USP46: variants seen among roughly 807,000 people sequenced by gnomAD.
USP46 encodes the protein ubiquitin specific peptidase 46.
USP46 carries 12 observed loss-of-function variants against 44.4 expected under a neutral mutation model. The observed-to-expected ratio is 0.27, with a 90% CI of 0.17 to 0.44. The LOEUF is 0.44. USP46 is among the 20% of genes least tolerant of loss of function. USP46 has a pLI of 1.00. For synonymous variants in USP46, 155 were observed against 161.5 expected (o/e 0.96, Z 0.31); for missense variants, 248 against 444.8 (o/e 0.56, Z 3.98).
chr4:52,616,841 A>G (rs955452906), intron 4 of USP46, among the ~76,000 whole-genome samples: 2 of 152,242 alleles, frequency 1.3e-5, no homozygotes, highest in Non-Finnish European at 2.9e-5. Context: ...AATCCCAAAT[A>G]TTTGGAAATT....
intron 1 of USP46, 145 bp downstream of exon 1, chr4:52,658,970 G>T (rs1719065505): frequency 1.0e-6 from 1 of 969,078 alleles, no homozygotes; most frequent in Non-Finnish European, 1.4e-6. Context: ...GCGGCCGCGC[G>T]CCCAGCTCGG....
At chr4:52,633,014 GAAAGAAAGAAAGAAAA>G (rs1717975652) in intron 1 of USP46, among the ~76,000 whole-genome samples, 4 of 138,208 alleles carry the variant, frequency 2.9e-5, no homozygotes, top group African/African-American at 1.1e-4. Flanking sequence ...AAGAAAGAAA[GAAAGAAAGAAAGAAAA>G]AGAAAGGTAA....
intron 2 of USP46, among the ~76,000 whole-genome samples, chr4:52,630,077 T>C (rs1717759292): frequency 6.6e-6 from 1 of 152,208 alleles, no homozygotes; most frequent in African/African-American, 2.4e-5. Flanking sequence ...TTTGAGTTAA[T>C]ATTTGATGTC....
chr4:52,630,075 A>T (rs1249538545), intron 2 of USP46, among the ~76,000 whole-genome samples: 1 of 152,212 alleles, frequency 6.6e-6, no homozygotes, highest in African/African-American at 2.4e-5. Context: ...TTTTTGAGTT[A>T]ATATTTGATG....
chr4:52,590,965 CTTCAAAGAGTTTTCAAACAATTTAT>C lies in USP46; in HGVS notation c.*6650_*6674del, dbSNP rs537053313. ...AGAACAATATACTGAAGCCATTTCT[CTTCAAAGAGTTTTCAAACAATTTAT>C]TTCACAGGAGAGGTGGAGAAGGCCA... On this transcript the variant is annotated 3_prime_UTR_variant, in exon 9 of 9. Coordinates refer to ENST00000441222, the MANE Select transcript of USP46 (RefSeq NM_022832.4). The C allele has an allele frequency of 6.6e-6, 1 of 152,308 alleles. No individual in the cohort carries two copies. The highest frequency in any genetic ancestry group is 1.9e-4 in the East Asian group (1 of 5,188). The allele number at this position is 152,308 out of a possible 1,614,324, so 9.4% of individuals were successfully genotyped here. A position where few individuals can be genotyped will look rare whatever the true frequency, so the allele number is the denominator to read the frequency against.
chr4:52,632,942 AAG>A (rs1337403228), intron 1 of USP46, among the ~76,000 whole-genome samples: 2 of 71,652 alleles, frequency 2.8e-5, no homozygotes, highest in Non-Finnish European at 5.2e-5. Context: ...GAAAGAAAGA[AAG>A]AAAGAAAGAA....
intron 1 of USP46, among the ~76,000 whole-genome samples, chr4:52,658,678 G>A (rs2109381088): frequency 6.6e-6 from 1 of 152,250 alleles, no homozygotes; most frequent in Non-Finnish European, 1.5e-5. Flanking sequence ...TAAACACCTC[G>A]GAAGGACTGA....
chr4:52,647,131 T>A (rs1474711537), intron 1 of USP46, among the ~76,000 whole-genome samples: 1 of 152,128 alleles, frequency 6.6e-6, no homozygotes, highest in Non-Finnish European at 1.5e-5. Context: ...CTCAAGCAAG[T>A]GAATACTCTG....
intron 8 of USP46, among the ~76,000 whole-genome samples, 169 bp from the exon 9 acceptor site, chr4:52,597,910 A>G (rs947798978): frequency 3.9e-5 from 6 of 152,246 alleles, no homozygotes; most frequent in Non-Finnish European, 8.8e-5. Flanking sequence ...TGGCTAAAGG[A>G]CATCATCACA....
At chr4:52,606,689 G>T (rs997412729) in intron 5 of USP46, among the ~76,000 whole-genome samples, 3 of 152,132 alleles carry the variant, frequency 2.0e-5, no homozygotes, top group Non-Finnish European at 4.4e-5. Flanking sequence ...CACATAGCCT[G>T]GACTATGCTA....
At chr4:52,643,555 G>A (rs979197978) in intron 1 of USP46, among the ~76,000 whole-genome samples, 3 of 152,154 alleles carry the variant, frequency 2.0e-5, no homozygotes, top group African/African-American at 4.8e-5. Context: ...ACCAACCCCT[G>A]TACTATGCCA....
chr4:52,647,563 T>C (rs1038271586), intron 1 of USP46, among the ~76,000 whole-genome samples: 2 of 152,204 alleles, frequency 1.3e-5, no homozygotes. Context: ...AAAGACAACA[T>C]ATCTTTTACT....
In USP46 at chr4:52,626,054, C is replaced by T. The variant is rs760329433; in HGVS notation, c.525G>A (p.Thr175=). ...LTWVHEIFQG[T]LTNETRCLNC... ...TCAAGCATCGAGTTTCATTGGTAAG[C>T]GTTCCCTGAAAAATCTCATGGACCC... is the stretch of plus-strand genomic sequence containing the variant. The change falls in exon 4 of 9, where the codon ACG becomes ACA. Residue 175 remains threonine, a synonymous_variant. Coordinates refer to ENST00000441222, the MANE Select transcript of USP46 (RefSeq NM_022832.4). 1.4e-5 allele frequency: 23 copies of T among 1,613,900 alleles called. No homozygotes were observed. The highest frequency in any genetic ancestry group is 4.4e-5 in the South Asian group (4 of 91,076).
intron 1 of USP46, among the ~76,000 whole-genome samples, chr4:52,657,539 C>T (rs953600309): frequency 1.3e-5 from 2 of 152,160 alleles, no homozygotes; most frequent in Non-Finnish European, 2.9e-5. Flanking sequence ...CTTAGGCCTG[C>T]GGCCACACCA....
rs1231681879 is a variant in USP46 at position 52,597,454 on chromosome 4, T to C, written c.*186A>G. 5.5e-6 allele frequency: 3 copies of C among 545,514 alleles called. No homozygotes were observed. The highest frequency in any genetic ancestry group is 9.6e-6 in the Non-Finnish European group (3 of 311,048). The allele number at this position is 545,514 out of a possible 1,614,324, so 33.8% of individuals were successfully genotyped here. ...GATTGCAGTTAACTCTATGTCAGACTGAAATAAAACCAAGAGTAGTGCTGC... is the reference window on the plus strand; with the variant it reads ...GATTGCAGTTAACTCTATGTCAGACCGAAATAAAACCAAGAGTAGTGCTGC... On this transcript the variant is annotated 3_prime_UTR_variant, in exon 9 of 9. Transcript: ENST00000441222.
chr4:52,599,421 G>A (rs1003090542), intron 7 of USP46, among the ~76,000 whole-genome samples: 5 of 152,220 alleles, frequency 3.3e-5, no homozygotes, highest in East Asian at 1.9e-4. Flanking sequence ...CAGAGTGAGC[G>A]AGGCGGGGAA....
chr4:52,608,195 TA>T lies in USP46; in HGVS notation c.638+2345del, dbSNP rs529543222. Reference sequence around the variant, plus strand: ...GCCTTATGCAAATATTTTAAAACTTTAAAAAATGCAGAAAGACTGTTTCTGG... The same window carrying T: ...GCCTTATGCAAATATTTTAAAACTTTAAAAATGCAGAAAGACTGTTTCTGG... On this transcript the variant is annotated intron_variant, in intron 5 of 8. Transcript: ENST00000441222. 5.9e-5 allele frequency among the ~76,000 whole-genome samples: 9 copies of T among 152,366 alleles called. No homozygotes were observed. The East Asian group carries it at 1.5e-3, about 26-fold the overall frequency.
At chr4:52,633,781 T>A (rs1270355831) in intron 1 of USP46, among the ~76,000 whole-genome samples, 2 of 152,146 alleles carry the variant, frequency 1.3e-5, no homozygotes, top group Admixed American at 1.3e-4. Context: ...AGGTGATGAC[T>A]CATACTAAGG....
intron 4 of USP46, 64 bp from the exon 5 acceptor site, chr4:52,610,681 T>C (rs1716904957): frequency 2.0e-6 from 3 of 1,477,936 alleles, no homozygotes; most frequent in Non-Finnish European, 1.9e-6. Context: ...ACTTTGAACA[T>C]GTATAGGTAA....
Sources: allele counts gnomAD v4.1 joint callset (sites outside exome capture counted in the v4.1 genomes callset), GRCh38; gene constraint gnomAD v4.1.1; transcripts MANE v1.5; gene names NCBI Gene and HGNC (gene_info 2026-07-23, HGNC 2026-07-21).